COL23A1: variants seen among roughly 807,000 people sequenced by gnomAD.
COL23A1 encodes the protein collagen type XXIII alpha 1 chain.
Under a neutral mutation model 99.3 loss-of-function variants are expected in COL23A1, and 97 were observed. That is an observed-to-expected ratio of 0.98 (90% CI 0.83 to 1.16). The LOEUF (loss-of-function observed/expected upper bound fraction) is 1.16. COL23A1 is among the 50% of genes most tolerant of loss of function. The probability of loss-of-function intolerance (pLI) is 0.00; values close to 1 mark genes in which losing one functional copy is unlikely to be tolerated. For missense variants in COL23A1, 762 were observed against 757.4 expected (o/e 1.01, Z -0.07); for synonymous variants, 320 against 308.2 (o/e 1.04, Z -0.40).
At chr5:178,562,114 C>A in intron 1 of COL23A1, 2 of 523,640 alleles carry the variant, frequency 3.8e-6, no homozygotes, top group South Asian at 3.1e-5. Flanking sequence ...TGGTGGCAGG[C>A]GCCTATAATC....
In COL23A1 at chr5:178,428,897, A is replaced by G. The variant is rs963443034; in HGVS notation, c.362-121978T>C. The stretch of plus-strand genomic sequence containing the variant: ...GGGGCAGGGCTGCCTTTGCCTCCCT[A>G]TTGTTTCCAAGCCAGCTCCCTACCC... On this transcript the variant is annotated intron_variant, in intron 2 of 28. Transcript: ENST00000390654. The surrounding 1 kb of genome is among the most constrained non-coding windows in gnomAD (Gnocchi z 5.0). Among the ~76,000 whole-genome samples, 4 of 151,812 alleles carry G rather than the reference A, an allele frequency of 2.6e-5. No homozygotes were observed. The highest frequency in any genetic ancestry group is 7.3e-5 in the African/African-American group (3 of 41,290).
At chr5:178,388,030 G>A (rs905013064) in intron 2 of COL23A1, among the ~76,000 whole-genome samples, 2 of 152,170 alleles carry the variant, frequency 1.3e-5, no homozygotes, top group African/African-American at 4.8e-5. Flanking sequence ...CTCAGGGCAT[G>A]TCCACCCAGC....
chr5:178,277,936 C>T (rs752572), intron 5 of COL23A1, among the ~76,000 whole-genome samples: 103,991 of 152,012 alleles, frequency 0.68, 36,203 homozygotes, highest in Non-Finnish European at 0.72. Flanking sequence ...ATGGGACCGG[C>T]GGGCCGGGAT....
chr5:178,553,457 A>G (rs1762113916), intron 2 of COL23A1, among the ~76,000 whole-genome samples: 1 of 152,222 alleles, frequency 6.6e-6, no homozygotes, highest in Non-Finnish European at 1.5e-5. Flanking sequence ...CTGGATTATT[A>G]TTCATTTCTG....
chr5:178,424,328 G>A (rs572470681), intron 2 of COL23A1, among the ~76,000 whole-genome samples: 29 of 152,374 alleles, frequency 1.9e-4, no homozygotes, highest in East Asian at 7.7e-4. Flanking sequence ...ATGGAATGTC[G>A]TGTGAATGTG....
At chr5:178,298,495 G>A (rs1276336378) in intron 3 of COL23A1, among the ~76,000 whole-genome samples, 2 of 152,218 alleles carry the variant, frequency 1.3e-5, no homozygotes, top group Admixed American at 1.3e-4. Flanking sequence ...TACACACCAG[G>A]AGGTGAGGGC....
intron 2 of COL23A1, among the ~76,000 whole-genome samples, chr5:178,330,303 T>C (rs1305350398): frequency 6.6e-6 from 1 of 152,176 alleles, no homozygotes; most frequent in Admixed American, 6.5e-5. Flanking sequence ...CAACCCTGTG[T>C]GGTGTTACTC....
intron 2 of COL23A1, among the ~76,000 whole-genome samples, chr5:178,339,069 C>A (rs1322586194): frequency 6.6e-6 from 1 of 152,192 alleles, no homozygotes; most frequent in African/African-American, 2.4e-5. Context: ...TCCCCTTGAA[C>A]ACTTCCCCTG....
intron 3 of COL23A1, among the ~76,000 whole-genome samples, chr5:178,304,535 G>T (rs1462564294): frequency 7.0e-6 from 1 of 143,414 alleles, no homozygotes; most frequent in African/African-American, 2.6e-5. Context: ...AAAAAAAAAG[G>T]CTTTCTCCCA....
At chr5:178,326,871 C>A (rs918095468) in intron 2 of COL23A1, among the ~76,000 whole-genome samples, 3 of 152,220 alleles carry the variant, frequency 2.0e-5, no homozygotes, top group African/African-American at 7.2e-5. Flanking sequence ...AGGCGCCTGC[C>A]ACCACGCCTG....
At chr5:178,518,692 C>T (rs1759752072) in intron 2 of COL23A1, among the ~76,000 whole-genome samples, 1 of 146,058 alleles carries the variant, frequency 6.8e-6, no homozygotes, top group African/African-American at 2.5e-5. Flanking sequence ...CCTCACATCC[C>T]AGACGATGGG....
intron 2 of COL23A1, among the ~76,000 whole-genome samples, chr5:178,492,938 G>T (rs942975819): frequency 6.6e-6 from 1 of 152,156 alleles, no homozygotes; most frequent in Non-Finnish European, 1.5e-5. Context: ...ACCTCACAGG[G>T]TATGGAAAGG....
At chr5:178,432,406 A>AT (rs1438155773) in intron 2 of COL23A1, among the ~76,000 whole-genome samples, 1 of 152,208 alleles carries the variant, frequency 6.6e-6, no homozygotes, top group Non-Finnish European at 1.5e-5. Context: ...AGCTGGAGTG[A>AT]TAAGTGGCAG....
intron 27 of COL23A1, 145 bp downstream of exon 27, chr5:178,241,897 A>G: frequency 1.6e-6 from 1 of 637,928 alleles, no homozygotes; most frequent in African/African-American, 1.8e-5. Context: ...TAGCAGCAGC[A>G]GTGGCCCTGA....
chr5:178,429,692 C>G (rs1766150462), intron 2 of COL23A1, among the ~76,000 whole-genome samples: 1 of 151,608 alleles, frequency 6.6e-6, no homozygotes, highest in African/African-American at 2.4e-5. Flanking sequence ...ACTGCCTCCC[C>G]CAGCTCATTT....
At chr5:178,422,107 A>G (rs2127799555) in intron 2 of COL23A1, among the ~76,000 whole-genome samples, 1 of 152,266 alleles carries the variant, frequency 6.6e-6, no homozygotes, top group East Asian at 1.9e-4. Context: ...GAGATTGTAT[A>G]AAAACGTAGC....
intron 2 of COL23A1, among the ~76,000 whole-genome samples, chr5:178,358,400 T>C (rs888696099): frequency 2.5e-5 from 3 of 120,750 alleles, no homozygotes. Flanking sequence ...TATGTGTATG[T>C]GTATGTGTGT....
intron 18 of COL23A1, 66 bp downstream of exon 18, chr5:178,249,985 GCACACACACA>G (rs5873601): frequency 3.8e-6 from 5 of 1,307,822 alleles, no homozygotes; most frequent in Non-Finnish European, 5.4e-6. Flanking sequence ...ACATGCACAC[GCACACACACA>G]CACACACACA....
Position 178,256,375 on chromosome 5 carries a change from G to T in COL23A1, c.860C>A (p.Thr287Lys). 9 of 1,607,106 alleles carry T rather than the reference G, an allele frequency of 5.6e-6. No homozygotes were observed. Among genetic ancestry groups the T allele is most frequent in the Non-Finnish European group, 7.7e-6 (9 of 1,176,354 alleles). Residue 287 changes from threonine (T) to lysine (K), a missense_variant, in exon 15 of 29, where the codon ACG becomes AAG. By Grantham distance (78) the Thr-to-Lys change is moderately conservative. Coordinates refer to ENST00000390654, the MANE Select transcript of COL23A1 (RefSeq NM_173465.4). Reference protein sequence around the residue: ...GPKGEPGHRGTDGAAGPRGAP... With the variant: ...GPKGEPGHRGKDGAAGPRGAP... The stretch of plus-strand genomic sequence containing the variant: ...TACCCGGGGCCCTGCAGCTCCATCC[G>T]TGCCTCGGTGGCCAGGCTCCCCCTG...
Sources: gnomAD v4.1 joint callset for allele counts (sites outside exome capture counted in the v4.1 genomes callset) on GRCh38, gnomAD v4.1.1 for gene constraint, Gnocchi (gnomAD v3.1) non-coding constraint, MANE v1.5 for transcripts, NCBI Gene and HGNC (gene_info 2026-07-23, HGNC 2026-07-21) for gene names.